IDI1: variants seen among roughly 807,000 people sequenced by gnomAD.
IDI1 encodes isopentenyl-diphosphate Delta-isomerase 1.
A neutral mutation model predicts 32.9 loss-of-function variants in IDI1; 23 were observed. That is an observed-to-expected ratio of 0.70 (90% confidence interval 0.50 to 0.99). IDI1 has a LOEUF of 0.99. IDI1 is among the 50% of genes least tolerant of loss of function. IDI1 has a pLI of 0.00. For missense variants in IDI1, 326 were observed against 351.9 expected (o/e 0.93, Z 0.59); for synonymous variants, 133 against 128.2 (o/e 1.04, Z -0.25).
At chr10:1,056,658 G>C in the IDI1 span, 1 of 152,358 alleles carries the variant, frequency 6.6e-6, no homozygotes, top group African/African-American at 2.4e-5. Context: ...AGCAGCCGAA[G>C]GGGTCTTCAG....
chr10:1,048,902 A>G lies in IDI1; in HGVS notation c.102T>C (p.His34=). Reference sequence around the variant, plus strand: ...GGCCACAGACAACCGCCGGTCCCGGATGGCGCCCGCTTTGAGCACAGTCTG... The same window carrying G: ...GGCCACAGACAACCGCCGGTCCCGGGTGGCGCCCGCTTTGAGCACAGTCTG... ...RAADCAQSGR[H]PGPAVVCGRR... The change falls in exon 1 of 5, where the codon CAT becomes CAC. Residue 34 remains histidine, a synonymous_variant. Coordinates refer to ENST00000381344, the MANE Select transcript of IDI1 (RefSeq NM_004508.4). 3.1e-6 allele frequency: 5 copies of G among 1,606,576 alleles called. No individual in the cohort carries two copies. The highest frequency in any genetic ancestry group is 3.4e-6 in the Non-Finnish European group (4 of 1,177,824).
rs1223893078 is a variant in IDI1 at position 1,039,878 on chromosome 10, T to C, written c.*1309A>G. On this transcript the variant is annotated 3_prime_UTR_variant, in exon 5 of 5. Coordinates refer to ENST00000381344, the MANE Select transcript of IDI1 (RefSeq NM_004508.4). ...CTATACAGGCAATATCCTATTAGTG[T>C]ATCAAAATTTTAACAAACTAAACAC... The C allele has an allele frequency of 6.6e-6, 1 of 152,256 alleles. No individual in the cohort carries two copies. The highest frequency in any genetic ancestry group is 1.5e-5 in the Non-Finnish European group (1 of 68,050). 9.4% of individuals were successfully genotyped at this position (152,256 alleles called of 1,614,324 possible).
upstream of IDI1, among the ~76,000 whole-genome samples, chr10:1,052,124 G>A (rs1381107199): frequency 6.6e-6 from 1 of 152,112 alleles, no homozygotes; most frequent in African/African-American, 2.4e-5. Context: ...GCCCACCTTG[G>A]CCTCTCAAAA....
the IDI1 span, among the ~76,000 whole-genome samples, chr10:1,056,098 C>T: frequency 6.6e-6 from 1 of 152,128 alleles, no homozygotes; most frequent in East Asian, 1.9e-4. Context: ...TGAGCCACCG[C>T]GCCTGGCCTT....
intron 1 of IDI1, chr10:1,048,557 C>G: frequency 7.5e-7 from 1 of 1,330,706 alleles, no homozygotes; most frequent in Non-Finnish European, 9.7e-7. Flanking sequence ...TTTCCAGTTC[C>G]ACGAGTTCCT....
upstream of IDI1, chr10:1,049,500 C>T (rs981141428): frequency 1.3e-5 from 2 of 149,692 alleles, no homozygotes; most frequent in Admixed American, 8.3e-5. Flanking sequence ...GCCGCTGGGA[C>T]TACAGCGTTT....
At chr10:1,042,357 A>C (rs955481109) in intron 4 of IDI1, among the ~76,000 whole-genome samples, 12 of 152,210 alleles carry the variant, frequency 7.9e-5, no homozygotes, top group African/African-American at 2.9e-4. Context: ...GTAACACTTG[A>C]AAATACTCAT....
At chr10:1,051,786 T>C (rs1833020088), upstream of IDI1, among the ~76,000 whole-genome samples, 2 of 152,228 alleles carry the variant, frequency 1.3e-5, no homozygotes, top group African/African-American at 4.8e-5. Context: ...AAAGTTGGGG[T>C]GGCTGTTGCA....
At position 1,041,092 on chromosome 10, in the gene IDI1, A is replaced by G. The variant is rs1277786194; in HGVS notation, c.*95T>C. 16 of 713,182 alleles carry G rather than the reference A, an allele frequency of 2.2e-5. No homozygotes were observed. Among genetic ancestry groups the G allele is most frequent in the Non-Finnish European group, 3.7e-5 (16 of 436,100 alleles). The allele number at this position is 713,182 out of a possible 1,614,324, so 44.2% of individuals were successfully genotyped here. ...AGTACCAAATGATAGAACTAAATTTAATGATAAATTAATGATAGAACTAAA... is the reference window on the plus strand; with the variant it reads ...AGTACCAAATGATAGAACTAAATTTGATGATAAATTAATGATAGAACTAAA... On this transcript the variant is annotated 3_prime_UTR_variant, in exon 5 of 5. Coordinates refer to ENST00000381344, the MANE Select transcript of IDI1 (RefSeq NM_004508.4).
intron 1 of IDI1, chr10:1,048,182 A>C: frequency 8.2e-7 from 1 of 1,223,002 alleles, no homozygotes; most frequent in South Asian, 1.3e-5. Flanking sequence ...CTCTTTCAGG[A>C]TTTTCAGAAT....
At chr10:1,043,892 A>G in intron 2 of IDI1, 107 bp downstream of exon 2, 1 of 920,466 alleles carries the variant, frequency 1.1e-6, no homozygotes, top group Non-Finnish European at 1.7e-6. Context: ...CAACGAGAAA[A>G]TACGGTATTA....
chr10:1,042,103 G>A (rs749245003), intron 4 of IDI1, among the ~76,000 whole-genome samples: 2 of 152,066 alleles, frequency 1.3e-5, no homozygotes, highest in Admixed American at 1.3e-4. Flanking sequence ...CACCACGACC[G>A]GCCCGACATT....
intron 1 of IDI1, among the ~76,000 whole-genome samples, chr10:1,045,866 GGTGTGTGTGTGTGTGT>G (rs10598743): frequency 6.6e-6 from 1 of 151,066 alleles, no homozygotes; most frequent in Non-Finnish European, 1.5e-5. Flanking sequence ...ATAGGGTCTG[GGTGTGTGTGTGTGTGT>G]GTGTGTGTGT....
rs1832858574 is a variant in IDI1 at position 1,048,205 on chromosome 10, G to C, written c.140+659C>G. On this transcript the variant is annotated intron_variant, in intron 1 of 4. Transcript: ENST00000381344. ...GGATTTTCAGAATTCAGATTTTAAA[G>C]CTAAGCTGCATAATCACAAGATAAA... 2.3e-6 allele frequency: 3 copies of C among 1,280,484 alleles called. No individual in the cohort carries two copies. In the South Asian group the frequency reaches 3.7e-5, roughly 16 times the overall value. The allele number at this position is 1,280,484 out of a possible 1,614,324, so 79.3% of individuals were successfully genotyped here. A position where few individuals can be genotyped will look rare whatever the true frequency, so the allele number is the denominator to read the frequency against.
intron 1 of IDI1, chr10:1,048,370 T>C (rs1832865153): frequency 7.7e-7 from 1 of 1,305,116 alleles, no homozygotes; most frequent in Non-Finnish European, 1.0e-6. Context: ...GAGAAGCGCC[T>C]TGAGTGTGTT....
Position 1,041,280 on chromosome 10 carries a change from A to C in IDI1, c.762T>G (p.Phe254Leu). 1 of 1,613,402 alleles carries C rather than the reference A, an allele frequency of 6.2e-7. No homozygotes were observed. Among genetic ancestry groups the C allele is most frequent in the Non-Finnish European group, 8.5e-7 (1 of 1,179,416 alleles). ...ASGEIKITPWFKIIAATFLFK... is the reference protein window; with the variant it reads ...ASGEIKITPWLKIIAATFLFK... ...AGAGAAAAGTCGCTGCAATAATTTTAAACCATGGCGTTATCTTAATTTCAC... is the reference window on the plus strand; with the variant it reads ...AGAGAAAAGTCGCTGCAATAATTTTCAACCATGGCGTTATCTTAATTTCAC... The change falls in exon 5 of 5, where the codon TTT becomes TTG. Residue 254 changes from phenylalanine to leucine, a missense_variant. Around this residue, in one of 2 missense-constraint regions of IDI1, gnomAD observed 205 missense variants for 273.5 expected, o/e 0.75. Coordinates refer to ENST00000381344, the MANE Select transcript of IDI1 (RefSeq NM_004508.4).
upstream of IDI1, among the ~76,000 whole-genome samples, chr10:1,050,302 C>T (rs1283862086): frequency 1.3e-5 from 2 of 152,224 alleles, no homozygotes; most frequent in South Asian, 2.1e-4. Flanking sequence ...TGACAGATCT[C>T]TTTCATGTCT....
In IDI1 at chr10:1,040,911, T is replaced by C. The variant is rs1311781149; in HGVS notation, c.*276A>G. On this transcript the variant is annotated 3_prime_UTR_variant, in exon 5 of 5. Coordinates refer to ENST00000381344, the MANE Select transcript of IDI1 (RefSeq NM_004508.4). ...CCCATAAGTATGTATCTGCAAAGATTAAATTAAGTTTTATTTGCTCGCTCT... is the reference window on the plus strand; with the variant it reads ...CCCATAAGTATGTATCTGCAAAGATCAAATTAAGTTTTATTTGCTCGCTCT... 8 of 303,492 alleles carry C rather than the reference T, an allele frequency of 2.6e-5. No homozygotes were observed. The East Asian group carries it at 4.2e-4, about 16-fold the overall frequency. The allele number at this position is 303,492 out of a possible 1,614,324, so 18.8% of individuals were successfully genotyped here. A position where few individuals can be genotyped will look rare whatever the true frequency, so the allele number is the denominator to read the frequency against.
the IDI1 span, chr10:1,056,417 C>CCCCGCCAGGCT: frequency 6.6e-6 from 1 of 152,292 alleles, no homozygotes; most frequent in East Asian, 1.9e-4. Context: ...ACCGCGCCGT[C>CCCCGCCAGGCT]CCCGCCAGGC....
Sources: gnomAD v4.1 joint callset for allele counts (sites outside exome capture counted in the v4.1 genomes callset) on GRCh38, gnomAD v4.1.1 for gene constraint, gnomAD v4.1.1 regional missense constraint, MANE v1.5 for transcripts, NCBI Gene and HGNC (gene_info 2026-07-23, HGNC 2026-07-21) for gene names.